SF3B3: variants seen among roughly 807,000 people sequenced by gnomAD.
SF3B3 encodes SAP 130.
In SF3B3, 33 loss-of-function variants were observed where a neutral mutation model predicts 139.2. The ratio of observed to expected loss-of-function variants is 0.24; its 90% CI spans 0.18 to 0.32. SF3B3 has a LOEUF of 0.32. Among genes scored for constraint, SF3B3 ranks in the 10% least tolerant of loss-of-function variants. The probability of loss-of-function intolerance (pLI) is 1.00; values close to 1 mark genes in which losing one functional copy is unlikely to be tolerated. For synonymous variants in SF3B3, 596 were observed against 563.6 expected, an observed-to-expected ratio of 1.06 and a Z score of -0.81; for missense variants, 818 against 1,509.4, an observed-to-expected ratio of 0.54 and a Z score of 7.59.
rs1366376871 is a variant in SF3B3, at chr16:70,573,564, T to G, written c.*1751T>G. 1 of 152,194 alleles carries G rather than the reference T, an allele frequency of 6.6e-6. No individual in the cohort carries two copies. Among genetic ancestry groups the G allele is most frequent in the Non-Finnish European group, 1.5e-5 (1 of 68,042 alleles). 9.4% of individuals were successfully genotyped at this position (152,194 alleles called of 1,614,324 possible). ...AAGGGCTAGGACAAGGATTTGGGCT[T>G]GAATATGTGGAAAGGAATTTTCATA... On this transcript the variant is annotated 3_prime_UTR_variant, in exon 26 of 26. Coordinates refer to ENST00000302516, the MANE Select transcript of SF3B3 (RefSeq NM_012426.5).
chr16:70,546,168 G>A (rs572380699), intron 10 of SF3B3, among the ~76,000 whole-genome samples: 152 of 152,224 alleles, frequency 1.0e-3, no homozygotes, highest in Admixed American at 3.1e-3. Flanking sequence ...ACAGGGTCTT[G>A]CTATTTTGCC....
At chr16:70,535,178 A>G (rs986933298) in intron 5 of SF3B3, 130 bp from the exon 6 acceptor site, 7 of 541,816 alleles carry the variant, frequency 1.3e-5, no homozygotes, top group Non-Finnish European at 2.4e-5. Flanking sequence ...GGGAGGAGAA[A>G]CACATGAAAT....
chr16:70,538,065 A>G (rs763276932), intron 6 of SF3B3: 1 of 653,182 alleles, frequency 1.5e-6, no homozygotes, highest in Non-Finnish European at 2.9e-6. Context: ...TTTTCTCTGG[A>G]CACAGTTTTT....
chr16:70,562,376 A>G lies in SF3B3; in HGVS notation c.2288+592A>G, dbSNP rs1326978680. On this transcript the variant is annotated intron_variant, in intron 17 of 25. Coordinates refer to ENST00000302516, the MANE Select transcript of SF3B3 (RefSeq NM_012426.5). Reference sequence around the variant, plus strand: ...CTGGTTATAACTATTGGCTGTTCATAATGAAACTATGGCCTCTTGATAGAT... The same window carrying G: ...CTGGTTATAACTATTGGCTGTTCATGATGAAACTATGGCCTCTTGATAGAT... 2.0e-5 allele frequency among the ~76,000 whole-genome samples: 3 copies of G among 152,174 alleles called. No homozygotes were observed. The East Asian group carries it at 5.8e-4, about 29-fold the overall frequency.
In SF3B3 at chr16:70,541,801, G is replaced by A. The variant is rs746392662; in HGVS notation, c.1200G>A (p.Glu400=). 3 of 1,614,156 alleles carry A rather than the reference G, an allele frequency of 1.9e-6. No homozygotes were observed. Among genetic ancestry groups the A allele is most frequent in the Admixed American group, 1.7e-5 (1 of 60,032 alleles). ...RPLKNLVLVD[E]LDSLSPILFC... is the part of the protein sequence containing the mutation. ...TTAAAAACCTTGTGCTGGTTGATGAGTTGGACAGCCTCTCTCCCATTCTGT... is the reference window on the plus strand; with the variant it reads ...TTAAAAACCTTGTGCTGGTTGATGAATTGGACAGCCTCTCTCCCATTCTGT... Residue 400 remains glutamate, a synonymous_variant, in exon 9 of 26, where the codon GAG becomes GAA. Transcript: ENST00000302516.
intron 5 of SF3B3, 47 bp from the exon 6 acceptor site, chr16:70,535,261 T>C (rs375911746): frequency 2.1e-6 from 2 of 962,998 alleles, no homozygotes; most frequent in African/African-American, 1.7e-5. Flanking sequence ...GCTGAAGAAA[T>C]TCATGTCTGA....
Position 70,569,027 on chromosome 16 carries a change from T to C in SF3B3, c.3166-16T>C. On this transcript the variant is annotated splice_polypyrimidine_tract_variant and intron_variant, in intron 22 of 25. Coordinates refer to ENST00000302516, the MANE Select transcript of SF3B3 (RefSeq NM_012426.5). ...GTCCGGGCCCCAGCAGTGTGACTTG[T>C]GTCACTTCCTTGTAGGTGAGGCTCC... The C allele has an allele frequency of 6.3e-7, 1 of 1,587,118 alleles. No individual in the cohort carries two copies. The highest frequency in any genetic ancestry group is 1.3e-5 in the African/African-American group (1 of 74,568).
chr16:70,561,611 G>GTTTTT lies in SF3B3; in HGVS notation c.2134-13_2134-9dup. ...TTTTCCCAAACCTTATTGGAGCTGG[G>GTTTTT]TTTTTTTTTTCCCCTCAGGTATTGG... On this transcript the variant is annotated intron_variant, in intron 16 of 25. Coordinates refer to ENST00000302516, the MANE Select transcript of SF3B3 (RefSeq NM_012426.5). The GTTTTT allele has an allele frequency of 1.4e-6, 2 of 1,470,082 alleles. No homozygotes were observed. The highest frequency in any genetic ancestry group is 1.8e-4 in the Middle Eastern group (1 of 5,640). 91.1% of individuals were successfully genotyped at this position (1,470,082 alleles called of 1,614,324 possible).
chr16:70,550,910 C>T (rs1292725518), intron 11 of SF3B3, among the ~76,000 whole-genome samples: 1 of 152,176 alleles, frequency 6.6e-6, no homozygotes, highest in African/African-American at 2.4e-5. Context: ...GGTTAATTTG[C>T]CTTTTACTAA....
At chr16:70,560,347 A>C in intron 15 of SF3B3, 122 bp from the exon 16 acceptor site, 2 of 1,009,066 alleles carry the variant, frequency 2.0e-6, no homozygotes, top group South Asian at 4.1e-5. Flanking sequence ...TCTTTTTTAA[A>C]CACCCAAGTC....
At chr16:70,537,450 G>C (rs2050179479) in intron 6 of SF3B3, among the ~76,000 whole-genome samples, 1 of 152,100 alleles carries the variant, frequency 6.6e-6, no homozygotes, top group Non-Finnish European at 1.5e-5. Flanking sequence ...TGGTGGTTTT[G>C]GTGTGGATTC....
chr16:70,538,970 C>T (rs111969151), intron 7 of SF3B3, 134 bp from the exon 8 acceptor site: 24 of 678,608 alleles, frequency 3.5e-5, no homozygotes, highest in African/African-American at 2.7e-4. Context: ...CATGACTGGC[C>T]CATGAGCCGG....
chr16:70,527,740 G>T (rs997999151), intron 2 of SF3B3, among the ~76,000 whole-genome samples: 2 of 151,900 alleles, frequency 1.3e-5, no homozygotes, highest in Non-Finnish European at 2.9e-5. Context: ...TTTGTTTTTT[G>T]TTTGTTTTGT....
At chr16:70,546,999 G>T (rs1193708664) in intron 10 of SF3B3, among the ~76,000 whole-genome samples, 7 of 151,880 alleles carry the variant, frequency 4.6e-5, no homozygotes, top group Admixed American at 1.3e-4. Context: ...TTGCACTCGA[G>T]CCTGGGCGAC....
At chr16:70,566,339 G>C (rs954236200) in intron 20 of SF3B3, among the ~76,000 whole-genome samples, 10 of 152,156 alleles carry the variant, frequency 6.6e-5, no homozygotes, top group Admixed American at 2.0e-4. Context: ...GAGGTGGGCG[G>C]GTCACCTGAG....
Position 70,542,557 on chromosome 16 carries a change from T to C in SF3B3, c.1233+723T>C, listed in dbSNP as rs114664690. On this transcript the variant is annotated intron_variant, in intron 9 of 25. Transcript: ENST00000302516. The stretch of plus-strand genomic sequence containing the variant: ...CCACCTGTGTAGTTGATCACACTTC[T>C]GATGGGAGAGGAGTTTGTTCACTGG... Among the ~76,000 whole-genome samples, 329 of 152,290 alleles carry C rather than the reference T, an allele frequency of 2.2e-3. 2 individuals carry two copies. Among genetic ancestry groups the C allele is most frequent in the African/African-American group, 7.4e-3 (309 of 41,562 alleles).
rs1293577972 is a variant in SF3B3 at position 70,538,387 on chromosome 16, C to T, written c.890C>T (p.Ser297Leu). The change falls in exon 7 of 26, where the codon TCG becomes TTG. Residue 297 changes from serine to leucine, a missense_variant. Ser to Leu is a moderately radical substitution (Grantham distance 145, BLOSUM62 -2). Around this residue, in one of 14 missense-constraint regions of SF3B3, gnomAD observed 80 missense variants for 206.5 expected, o/e 0.39. Transcript: ENST00000302516. ...TGCTCTGCAACCCATAAAACCAAAT[C>T]GATGTTCTTCTTTTTGGCTCAAACT... ...FVCSATHKTK[S>L]MFFFLAQTEQ... The T allele has an allele frequency of 3.1e-6, 5 of 1,613,488 alleles. No individual in the cohort carries two copies. Among genetic ancestry groups the T allele is most frequent in the Non-Finnish European group, 4.2e-6 (5 of 1,179,454 alleles).
chr16:70,573,989 A>G lies in SF3B3; in HGVS notation c.*2176A>G, dbSNP rs2050553224. The G allele has an allele frequency of 6.6e-6, 1 of 152,112 alleles. No individual in the cohort carries two copies. The highest frequency in any genetic ancestry group is 2.4e-5 in the African/African-American group (1 of 41,406). 9.4% of individuals were successfully genotyped at this position (152,112 alleles called of 1,614,324 possible). ...GAATGTTGCTTTTCTTGGTTAGTGT[A>G]AATGTATTGCTAGTGAGACAGCTGC... On this transcript the variant is annotated 3_prime_UTR_variant, in exon 26 of 26. Transcript: ENST00000302516.
intron 4 of SF3B3, 46 bp downstream of exon 4, chr16:70,530,963 G>GTTT: frequency 6.6e-7 from 1 of 1,511,864 alleles, no homozygotes; most frequent in Non-Finnish European, 9.0e-7. Context: ...TCACCTCAGT[G>GTTT]TTTTTTTTTA....
Sources: gnomAD v4.1 joint callset for allele counts (sites outside exome capture counted in the v4.1 genomes callset) on GRCh38, gnomAD v4.1.1 for gene constraint, gnomAD v4.1.1 regional missense constraint, MANE v1.5 for transcripts, NCBI Gene and HGNC (gene_info 2026-07-23, HGNC 2026-07-21) for gene names.